Variants in VTCN1 observed in about 807,000 individuals in gnomAD.
The protein encoded by VTCN1 is V-set domain-containing T-cell activation inhibitor 1.
Under a neutral mutation model 26.5 loss-of-function variants are expected in VTCN1, and 26 were observed. The observed-to-expected ratio is 0.98, with a 90% CI of 0.72 to 1.36. VTCN1 has a LOEUF of 1.36. Ranked by LOEUF, VTCN1 falls within the 40% of genes most tolerant of loss-of-function variation. The pLI, the probability that VTCN1 is intolerant of heterozygous loss-of-function variation, is 0.00. For synonymous variants in VTCN1, 116 were observed against 130.7 expected (o/e 0.89, Z 0.77); for missense variants, 298 against 337.7 (o/e 0.88, Z 0.92).
At chr1:117,204,760 G>A (rs544640231) in intron 1 of VTCN1, among the ~76,000 whole-genome samples, 1 of 152,030 alleles carries the variant, frequency 6.6e-6, no homozygotes, top group East Asian at 1.9e-4. Flanking sequence ...CAGCTACTCA[G>A]GAGGCTGAGG....
rs1652236797 is a variant in VTCN1, at chr1:117,159,048, CA to C, written c.98-2128del. ...AAGGCTTTTGGTCAAAGCCATTCAA[CA>C]AGTCTCTAGGAAGTTTCAAAATTTC... On this transcript the variant is annotated intron_variant, in intron 2 of 5. Coordinates refer to ENST00000369458, the MANE Select transcript of VTCN1 (RefSeq NM_024626.4). The surrounding 1 kb of genome is among the most constrained non-coding windows in gnomAD (Gnocchi z 4.7). Among the ~76,000 whole-genome samples, 1 of 152,176 alleles carries C rather than the reference CA, an allele frequency of 6.6e-6. No individual in the cohort carries two copies. The highest frequency in any genetic ancestry group is 1.5e-5 in the Non-Finnish European group (1 of 68,034).
At chr1:117,185,979 G>A (rs189641830) in intron 1 of VTCN1, among the ~76,000 whole-genome samples, 2 of 152,340 alleles carry the variant, frequency 1.3e-5, no homozygotes, top group East Asian at 1.9e-4. Context: ...TCTGGAGGCT[G>A]TGTCATGGGC....
At chr1:117,205,416 G>A (rs2101609073) in intron 1 of VTCN1, among the ~76,000 whole-genome samples, 1 of 152,148 alleles carries the variant, frequency 6.6e-6, no homozygotes, top group East Asian at 1.9e-4. Flanking sequence ...GCCTGCCTCA[G>A]CCTTCCAAAG....
intron 1 of VTCN1, among the ~76,000 whole-genome samples, chr1:117,209,430 G>T (rs10157815): frequency 0.055 from 8,446 of 152,224 alleles, 336 homozygotes; most frequent in East Asian, 0.11. Flanking sequence ...GTGGCAGGGG[G>T]AGAGAGCTTG....
rs1464761479 is a variant in VTCN1, at chr1:117,167,720, G to A, written c.97+2387C>T. Among the ~76,000 whole-genome samples the A allele has an allele frequency of 3.3e-5, 5 of 152,044 alleles. No individual in the cohort carries two copies. The highest frequency in any genetic ancestry group is 7.4e-5 in the Non-Finnish European group (5 of 68,010). On this transcript the variant is annotated intron_variant, in intron 2 of 5. Transcript: ENST00000369458. The surrounding 1 kb of genome is among the most constrained non-coding windows in gnomAD (Gnocchi z 4.1). The stretch of plus-strand genomic sequence containing the variant: ...TACTCCTTGTGAGCTGCTTTTTTAA[G>A]CACTCACACTCCTTGTGAGCTGCTT...
At chr1:117,170,074 G>A (rs1284476229) in intron 2 of VTCN1, 33 bp downstream of exon 2, 1 of 1,592,404 alleles carries the variant, frequency 6.3e-7, no homozygotes, top group Non-Finnish European at 8.6e-7. Context: ...GGTGAGGGGT[G>A]AATAGATTGT....
chr1:117,207,476 T>A (rs971285247), intron 1 of VTCN1, among the ~76,000 whole-genome samples: 4 of 152,096 alleles, frequency 2.6e-5, no homozygotes, highest in African/African-American at 7.2e-5. Flanking sequence ...CCTTGAATGT[T>A]GGTGTTCTTC....
At position 117,175,773 on chromosome 1, in the gene VTCN1, C is replaced by CTT. The variant is rs1283482845; in HGVS notation, c.33-5604_33-5603dup. Among the ~76,000 whole-genome samples the CTT allele has an allele frequency of 5.2e-5, 2 of 38,298 alleles. No homozygotes were observed. The highest frequency in any genetic ancestry group is 8.7e-5 in the African/African-American group (2 of 22,868). The allele number at this position is 38,298 out of a possible 152,430, so 25.1% of individuals were successfully genotyped here. On this transcript the variant is annotated intron_variant, in intron 1 of 5. Coordinates refer to ENST00000369458, the MANE Select transcript of VTCN1 (RefSeq NM_024626.4). The surrounding 1 kb of genome is among the most constrained non-coding windows in gnomAD (Gnocchi z 4.2). ...GATACCTATCTCTCTCTCTCTCTCTCTTTTTTTTTTTTTTTGAGATGGAGT... is the reference window on the plus strand; with the variant it reads ...GATACCTATCTCTCTCTCTCTCTCTCTTTTTTTTTTTTTTTTTGAGATGGAGT...
At chr1:117,158,778 A>G (rs1229041218) in intron 2 of VTCN1, among the ~76,000 whole-genome samples, 2 of 152,148 alleles carry the variant, frequency 1.3e-5, no homozygotes, top group African/African-American at 4.8e-5. Flanking sequence ...CCCTTATAAA[A>G]CTGAATACCT....
chr1:117,196,869 T>G (rs1220018835), intron 1 of VTCN1, among the ~76,000 whole-genome samples: 1 of 152,176 alleles, frequency 6.6e-6, no homozygotes, highest in Admixed American at 6.5e-5. Context: ...GACAGCAGCC[T>G]CAGTTCCAGA....
chr1:117,182,180 A>G (rs1647704956), intron 1 of VTCN1, among the ~76,000 whole-genome samples: 1 of 152,134 alleles, frequency 6.6e-6, no homozygotes, highest in South Asian at 2.1e-4. Context: ...TGATTTCTCT[A>G]TGTACAATGT....
chr1:117,149,498 C>A (rs544359148), intron 4 of VTCN1, among the ~76,000 whole-genome samples: 1 of 152,232 alleles, frequency 6.6e-6, no homozygotes, highest in East Asian at 1.9e-4. Context: ...ATTTCTCCCC[C>A]AGACCATTAC....
chr1:117,207,401 C>T (rs900203706), intron 1 of VTCN1, among the ~76,000 whole-genome samples: 1 of 152,074 alleles, frequency 6.6e-6, no homozygotes, highest in Non-Finnish European at 1.5e-5. Context: ...CTATCCTGGC[C>T]TCTTGCTACC....
chr1:117,147,715 A>G lies in VTCN1; in HGVS notation c.792T>C (p.Ser264=), dbSNP rs372586397. The change falls in exon 5 of 6, where the codon TCT becomes TCC. Residue 264 remains serine, a synonymous_variant. Coordinates refer to ENST00000369458, the MANE Select transcript of VTCN1 (RefSeq NM_024626.4). The surrounding 1 kb of genome is among the most constrained non-coding windows in gnomAD (Gnocchi z 4.6). ...GAAGTGCCCAGCTGATGGCAAAGAA[A>G]GAAGAGACACACAGAGAAGCCTTTG... The part of the protein sequence containing the change: ...LNSKASLCVS[S]FFAISWALLP... 40 of 1,613,938 alleles carry G rather than the reference A, an allele frequency of 2.5e-5. No homozygotes were observed. The highest frequency in any genetic ancestry group is 3.3e-5 in the Non-Finnish European group (39 of 1,179,922).
rs893603625 is a variant in VTCN1 at position 117,167,754 on chromosome 1, G to A, written c.97+2353C>T. Reference sequence around the variant, plus strand: ...CTCCTTGTGAGCTGCTTTATTTTGAGACAGTAGAAAAAGAATTGAAAGATG... The same window carrying A: ...CTCCTTGTGAGCTGCTTTATTTTGAAACAGTAGAAAAAGAATTGAAAGATG... On this transcript the variant is annotated intron_variant, in intron 2 of 5. Transcript: ENST00000369458. This position sits in a 1 kb window ranked among gnomAD's most constrained non-coding sequence, Gnocchi z 4.1. 2.6e-5 allele frequency among the ~76,000 whole-genome samples: 4 copies of A among 152,078 alleles called. No homozygotes were observed. The highest frequency in any genetic ancestry group is 2.0e-4 in the Admixed American group (3 of 15,266).
At chr1:117,208,877 C>T (rs902758714) in intron 1 of VTCN1, among the ~76,000 whole-genome samples, 3 of 152,226 alleles carry the variant, frequency 2.0e-5, no homozygotes, top group Admixed American at 2.0e-4. Context: ...GATGGCAGGC[C>T]CTTTCATGAG....
chr1:117,160,378 T>G (rs890699538), intron 2 of VTCN1, among the ~76,000 whole-genome samples: 2 of 152,238 alleles, frequency 1.3e-5, no homozygotes, highest in African/African-American at 4.8e-5. Flanking sequence ...GCTTCTTTAT[T>G]GGTATTTCTA....
At chr1:117,201,419 C>G (rs1351861091) in intron 1 of VTCN1, among the ~76,000 whole-genome samples, 4 of 152,194 alleles carry the variant, frequency 2.6e-5, no homozygotes, top group Non-Finnish European at 5.9e-5. Context: ...TTATGGCTTT[C>G]TCTCCAGGGC....
At chr1:117,154,590 C>G (rs1651969765) in intron 3 of VTCN1, among the ~76,000 whole-genome samples, 1 of 151,952 alleles carries the variant, frequency 6.6e-6, no homozygotes, top group Admixed American at 6.6e-5. Context: ...TTGAGACCAG[C>G]CTGACCAACA....
Sources: allele counts gnomAD v4.1 joint callset (sites outside exome capture counted in the v4.1 genomes callset), GRCh38; gene constraint gnomAD v4.1.1; non-coding constraint Gnocchi (gnomAD v3.1); transcripts MANE v1.5; gene names NCBI Gene and HGNC (gene_info 2026-07-23, HGNC 2026-07-21).